Variants in CHCHD6 observed in about 807,000 individuals in gnomAD.
CHCHD6 encodes the protein MICOS complex subunit MIC25.
CHCHD6 carries 28 observed loss-of-function variants against 32.3 expected under a neutral mutation model. The ratio of observed to expected loss-of-function variants is 0.87; its 90% confidence interval spans 0.64 to 1.19. CHCHD6 has a LOEUF of 1.19. Among genes scored for constraint, CHCHD6 ranks in the 50% most tolerant of loss-of-function variants. The probability of loss-of-function intolerance (pLI) is 0.00; values close to 1 mark genes in which losing one functional copy is unlikely to be tolerated. For synonymous variants in CHCHD6, 122 were observed against 117.5 expected (o/e 1.04, Z -0.25); for missense variants, 333 against 307.0 (o/e 1.08, Z -0.63).
At chr3:126,825,299 A>G (rs1007147568) in intron 4 of CHCHD6, among the ~76,000 whole-genome samples, 2 of 152,154 alleles carry the variant, frequency 1.3e-5, no homozygotes, top group African/African-American at 4.8e-5. Context: ...TTTCAGAGAA[A>G]TGTGTTGGGA....
chr3:126,934,530 T>C (rs4679305), intron 6 of CHCHD6, among the ~76,000 whole-genome samples: 88,345 of 136,148 alleles, frequency 0.65, 29,298 homozygotes, highest in East Asian at 0.82. Context: ...CACCCTCCCC[T>C]CTCTGCTTTT....
intron 1 of CHCHD6, among the ~76,000 whole-genome samples, chr3:126,711,999 C>G (rs546967274): frequency 6.6e-6 from 1 of 152,238 alleles, no homozygotes; most frequent in African/African-American, 2.4e-5. Flanking sequence ...CATTAGAAAA[C>G]AAGGTAAAGC....
At chr3:126,753,338 G>A (rs1182179102) in intron 4 of CHCHD6, among the ~76,000 whole-genome samples, 2 of 152,160 alleles carry the variant, frequency 1.3e-5, no homozygotes, top group East Asian at 1.9e-4. Context: ...GTCAAGGTTC[G>A]GCAGCAGGAG....
chr3:126,954,775 T>C (rs1273748787), intron 6 of CHCHD6, among the ~76,000 whole-genome samples: 3 of 152,138 alleles, frequency 2.0e-5, no homozygotes, highest in Non-Finnish European at 4.4e-5. Flanking sequence ...TCTCAGACTC[T>C]AGAGGGCCAG....
chr3:126,738,639 G>A (rs946747896), intron 4 of CHCHD6, among the ~76,000 whole-genome samples: 1 of 152,172 alleles, frequency 6.6e-6, no homozygotes, highest in Non-Finnish European at 1.5e-5. Context: ...GGGTTTGGAT[G>A]TGTTACTGCT....
intron 1 of CHCHD6, among the ~76,000 whole-genome samples, chr3:126,705,299 T>C (rs1576317212): frequency 6.6e-6 from 1 of 152,236 alleles, no homozygotes. Flanking sequence ...CGTTTACTGC[T>C]AGAGTGTAAG....
chr3:126,873,423 G>A (rs985274057), intron 5 of CHCHD6, among the ~76,000 whole-genome samples: 3 of 152,230 alleles, frequency 2.0e-5, no homozygotes, highest in African/African-American at 7.2e-5. Flanking sequence ...TTTTGGCAGA[G>A]TAAGAGCTGA....
chr3:126,922,007 C>A (rs2078256242), intron 6 of CHCHD6, among the ~76,000 whole-genome samples: 1 of 152,198 alleles, frequency 6.6e-6, no homozygotes, highest in African/African-American at 2.4e-5. Flanking sequence ...ATCTCACTTC[C>A]CTAGGTAGAT....
At chr3:126,755,938 A>G (rs1428421544) in intron 4 of CHCHD6, among the ~76,000 whole-genome samples, 2 of 151,832 alleles carry the variant, frequency 1.3e-5, no homozygotes, top group Non-Finnish European at 1.5e-5. Flanking sequence ...TTTGATTCTC[A>G]CAGTGCCCCT....
intron 4 of CHCHD6, among the ~76,000 whole-genome samples, chr3:126,750,561 G>A (rs986014706): frequency 6.6e-6 from 1 of 152,212 alleles, no homozygotes; most frequent in Non-Finnish European, 1.5e-5. Flanking sequence ...TCAAGCCAGC[G>A]TGGCCTTTGG....
chr3:126,831,696 A>G (rs967251179), intron 4 of CHCHD6, among the ~76,000 whole-genome samples: 19 of 152,186 alleles, frequency 1.2e-4, no homozygotes, highest in Admixed American at 1.2e-3. Context: ...GCTCATACTC[A>G]ATATGTGTGC....
intron 4 of CHCHD6, among the ~76,000 whole-genome samples, chr3:126,833,245 A>G (rs891254553): frequency 6.6e-6 from 1 of 152,184 alleles, no homozygotes; most frequent in Non-Finnish European, 1.5e-5. Context: ...TTAGGGAGAC[A>G]GTTTCCTTCC....
intron 4 of CHCHD6, among the ~76,000 whole-genome samples, chr3:126,741,515 C>A (rs1319171119): frequency 6.6e-6 from 1 of 152,164 alleles, no homozygotes; most frequent in Non-Finnish European, 1.5e-5. Flanking sequence ...AATGAGGCTG[C>A]TCCTACTCAA....
At chr3:126,856,098 TAAC>T (rs1466349073) in intron 5 of CHCHD6, among the ~76,000 whole-genome samples, 1 of 152,060 alleles carries the variant, frequency 6.6e-6, no homozygotes, top group Non-Finnish European at 1.5e-5. Context: ...CAAAATACAC[TAAC>T]ACTAATGATG....
chr3:126,781,444 C>T (rs1250840459), intron 4 of CHCHD6, among the ~76,000 whole-genome samples: 4 of 152,160 alleles, frequency 2.6e-5, no homozygotes, highest in African/African-American at 9.6e-5. Context: ...GAAGTTTTTT[C>T]TTTAAGGGAT....
chr3:126,848,350 T>C (rs1237244590), intron 4 of CHCHD6, among the ~76,000 whole-genome samples: 2 of 152,250 alleles, frequency 1.3e-5, no homozygotes, highest in African/African-American at 4.8e-5. Context: ...TTTTATTTTG[T>C]AGATTTTAAA....
At chr3:126,947,801 T>C (rs1217554923) in intron 6 of CHCHD6, among the ~76,000 whole-genome samples, 1 of 152,184 alleles carries the variant, frequency 6.6e-6, no homozygotes, top group African/African-American at 2.4e-5. Flanking sequence ...TCTCTCCCAG[T>C]GCAGAAGACT....
At chr3:126,948,578 A>G (rs2078672737) in intron 6 of CHCHD6, among the ~76,000 whole-genome samples, 1 of 152,134 alleles carries the variant, frequency 6.6e-6, no homozygotes, top group Non-Finnish European at 1.5e-5. Flanking sequence ...CAATAAGGCC[A>G]TGTTCCGAGG....
At chr3:126,952,689 G>A (rs2078731674) in intron 6 of CHCHD6, among the ~76,000 whole-genome samples, 1 of 152,246 alleles carries the variant, frequency 6.6e-6, no homozygotes, top group Non-Finnish European at 1.5e-5. Flanking sequence ...GCAAAAGGGG[G>A]TTTCGATTTG....
Sources: gnomAD v4.1 joint callset for allele counts (sites outside exome capture counted in the v4.1 genomes callset) on GRCh38, gnomAD v4.1.1 for gene constraint, MANE v1.5 for transcripts, NCBI Gene and HGNC (gene_info 2026-07-23, HGNC 2026-07-21) for gene names.